The following HIVEP2 variants were observed in gnomAD, a reference collection of about 807,000 sequenced individuals.
HIVEP2 encodes the protein HIVEP zinc finger 2.
HIVEP2 carries 14 observed loss-of-function variants against 180.7 expected under a neutral mutation model. The observed-to-expected ratio is 0.08, with a 90% confidence interval of 0.05 to 0.12. HIVEP2 has a LOEUF of 0.12. Among genes scored for constraint, HIVEP2 ranks in the 10% least tolerant of loss-of-function variants. The pLI, the probability that HIVEP2 is intolerant of heterozygous loss-of-function variation, is 1.00. For missense variants in HIVEP2, 2,579 were observed against 3,008.5 expected (o/e 0.86, Z 3.34); for synonymous variants, 1,184 against 1,136.4 (o/e 1.04, Z -0.84).
chr6:142,916,526 C>A (rs950535609), intron 1 of HIVEP2, among the ~76,000 whole-genome samples: 1 of 152,262 alleles, frequency 6.6e-6, no homozygotes. Flanking sequence ...GAGAATCCAC[C>A]AACCCCTTCA....
intron 1 of HIVEP2, among the ~76,000 whole-genome samples, chr6:142,876,774 G>A (rs1277950446): frequency 6.6e-6 from 1 of 152,140 alleles, no homozygotes; most frequent in African/African-American, 2.4e-5. Flanking sequence ...TGTAATCCCA[G>A]CACTTTGGGA....
intron 2 of HIVEP2, among the ~76,000 whole-genome samples, chr6:142,785,144 C>T (rs932451954): frequency 6.6e-6 from 1 of 151,810 alleles, no homozygotes; most frequent in Non-Finnish European, 1.5e-5. Flanking sequence ...CTGCCTTGGC[C>T]TCCCAAAGTG....
chr6:142,855,892 T>C (rs371642553), intron 1 of HIVEP2, among the ~76,000 whole-genome samples: 1 of 103,560 alleles, frequency 9.7e-6, no homozygotes, highest in Admixed American at 8.6e-5. Context: ...GTGAAAGTAT[T>C]CTTTCACTTA....
chr6:142,853,562 A>C (rs190980525), intron 1 of HIVEP2, among the ~76,000 whole-genome samples: 161 of 152,352 alleles, frequency 1.1e-3, no homozygotes, highest in African/African-American at 3.8e-3. Flanking sequence ...CGCCTAAGGC[A>C]ATGTAATAAG....
chr6:142,763,743 G>T (rs1275883241), intron 7 of HIVEP2, among the ~76,000 whole-genome samples: 1 of 152,192 alleles, frequency 6.6e-6, no homozygotes, highest in East Asian at 1.9e-4. Flanking sequence ...GTGCAGAGGT[G>T]AGTGGTATTT....
At chr6:142,875,854 T>C (rs796808202) in intron 1 of HIVEP2, among the ~76,000 whole-genome samples, 10 of 152,242 alleles carry the variant, frequency 6.6e-5, no homozygotes, top group Non-Finnish European at 1.0e-4. Flanking sequence ...AGTGCATGGA[T>C]TTAGGAGGAA....
intron 1 of HIVEP2, among the ~76,000 whole-genome samples, chr6:142,884,297 C>T (rs1156797156): frequency 2.0e-5 from 3 of 151,290 alleles, no homozygotes; most frequent in Non-Finnish European, 4.4e-5. Flanking sequence ...AGGGAATATG[C>T]CTTTGTTCTG....
chr6:142,782,898 T>C (rs2114692746), intron 3 of HIVEP2, among the ~76,000 whole-genome samples: 1 of 152,340 alleles, frequency 6.6e-6, no homozygotes, highest in South Asian at 2.1e-4. Context: ...ATTTTTTAAA[T>C]TGTGATTTCA....
chr6:142,925,789 T>C (rs907500478), intron 1 of HIVEP2, among the ~76,000 whole-genome samples: 4 of 152,346 alleles, frequency 2.6e-5, no homozygotes, highest in South Asian at 4.1e-4. Context: ...TATGTTCCAA[T>C]TTGGAATGAT....
intron 1 of HIVEP2, among the ~76,000 whole-genome samples, chr6:142,902,330 C>A (rs555117393): frequency 6.6e-6 from 1 of 152,216 alleles, no homozygotes; most frequent in East Asian, 1.9e-4. Context: ...CCCCCAAAAC[C>A]CATAAGCCCA....
chr6:142,785,829 A>G (rs1403508952), intron 2 of HIVEP2, among the ~76,000 whole-genome samples: 1 of 152,232 alleles, frequency 6.6e-6, no homozygotes, highest in Non-Finnish European at 1.5e-5. Flanking sequence ...ATGACCTTTT[A>G]AATGTTTGGG....
intron 1 of HIVEP2, among the ~76,000 whole-genome samples, chr6:142,912,391 T>C (rs1310612959): frequency 6.6e-6 from 1 of 152,198 alleles, no homozygotes; most frequent in African/African-American, 2.4e-5. Context: ...GCCCCTCTAG[T>C]AGAATTCATA....
chr6:142,833,550 C>T (rs1775148705), intron 2 of HIVEP2, among the ~76,000 whole-genome samples: 1 of 152,160 alleles, frequency 6.6e-6, no homozygotes, highest in African/African-American at 2.4e-5. Flanking sequence ...GGGATTTGCT[C>T]ATACTACTGG....
intron 2 of HIVEP2, among the ~76,000 whole-genome samples, chr6:142,792,039 T>C (rs1247568845): frequency 2.0e-5 from 3 of 152,204 alleles, no homozygotes; most frequent in South Asian, 2.1e-4. Context: ...TATCGTGACA[T>C]AGACAAGAGA....
Position 142,772,290 on chromosome 6 carries a change from A to T in HIVEP2, c.2449T>A (p.Ser817Thr), listed in dbSNP as rs1201632075. The T allele has an allele frequency of 1.2e-6, 2 of 1,614,208 alleles. No individual in the cohort carries two copies. Among genetic ancestry groups the T allele is most frequent in the Non-Finnish European group, 1.7e-6 (2 of 1,180,046 alleles). ...SLSRPNSFER[S>T]ESAELVACTQ... ...CAAGCCACAAGTTCGGCTGACTCAG[A>T]CCTTTCAAATGAATTGGGTCGGCTC... Residue 817 changes from serine (S) to threonine (T), a missense_variant, in exon 5 of 10, where the codon TCT becomes ACT. By Grantham distance (58) the Ser-to-Thr change is moderately conservative. This residue lies in a region of HIVEP2 where 524 missense variants were observed against 563.6 expected (regional missense o/e 0.93). Transcript: ENST00000367603. The surrounding 1 kb of genome is among the most constrained non-coding windows in gnomAD (Gnocchi z 4.9).
intron 2 of HIVEP2, among the ~76,000 whole-genome samples, chr6:142,784,787 T>G (rs962141024): frequency 1.2e-4 from 18 of 152,190 alleles, no homozygotes; most frequent in Admixed American, 1.2e-3. Flanking sequence ...AATTGAAACT[T>G]TCATCAATGC....
intron 2 of HIVEP2, among the ~76,000 whole-genome samples, chr6:142,824,010 T>A (rs1276249666): frequency 2.0e-5 from 3 of 152,212 alleles, no homozygotes; most frequent in African/African-American, 7.2e-5. Context: ...TAGCTTAATT[T>A]AAAACATTTT....
At chr6:142,792,548 C>T (rs536870229) in intron 2 of HIVEP2, among the ~76,000 whole-genome samples, 18 of 152,038 alleles carry the variant, frequency 1.2e-4, no homozygotes, top group Admixed American at 3.3e-4. Context: ...CATCACACAC[C>T]GGGGCCTGTC....
intron 6 of HIVEP2, among the ~76,000 whole-genome samples, chr6:142,765,767 G>A (rs972849998): frequency 1.3e-5 from 2 of 152,162 alleles, no homozygotes; most frequent in Non-Finnish European, 2.9e-5. Context: ...AACAGTCTTA[G>A]GTATTTTCTT....
Sources: allele counts gnomAD v4.1 joint callset (sites outside exome capture counted in the v4.1 genomes callset), GRCh38; gene constraint gnomAD v4.1.1; regional missense constraint gnomAD v4.1.1; non-coding constraint Gnocchi (gnomAD v3.1); transcripts MANE v1.5; gene names NCBI Gene and HGNC (gene_info 2026-07-23, HGNC 2026-07-21).